Variants in TBC1D22A observed in about 807,000 individuals in gnomAD.
The protein encoded by TBC1D22A is TBC1 domain family member 22A, also known as putative GTPase activator.
Under a neutral mutation model 60.2 loss-of-function variants are expected in TBC1D22A, and 38 were observed. The ratio of observed to expected loss-of-function variants is 0.63; its 90% CI spans 0.49 to 0.83. The LOEUF is 0.83. TBC1D22A is among the 40% of genes least tolerant of loss of function. The pLI, the probability that TBC1D22A is intolerant of heterozygous loss-of-function variation, is 0.00. For missense variants in TBC1D22A, 628 were observed against 701.0 expected (o/e 0.90, Z 1.18); for synonymous variants, 302 against 281.7 (o/e 1.07, Z -0.72).
At chr22:46,959,070 C>T (rs973120526) in intron 8 of TBC1D22A, among the ~76,000 whole-genome samples, 4 of 152,168 alleles carry the variant, frequency 2.6e-5, no homozygotes, top group East Asian at 3.9e-4. Context: ...TGCTCCCGGC[C>T]GTCTCTCCTG....
At chr22:46,861,909 C>T (rs2147356215) in intron 4 of TBC1D22A, among the ~76,000 whole-genome samples, 1 of 152,358 alleles carries the variant, frequency 6.6e-6, no homozygotes, top group South Asian at 2.1e-4. Flanking sequence ...GTAGAAGGCA[C>T]AGAGCACAGT....
intron 5 of TBC1D22A, among the ~76,000 whole-genome samples, chr22:46,885,165 G>A (rs1341359428): frequency 6.6e-6 from 1 of 152,192 alleles, no homozygotes; most frequent in Non-Finnish European, 1.5e-5. Context: ...AGCAGCGGGT[G>A]GGAGAGTGGC....
At chr22:47,017,540 C>A (rs181297803) in intron 10 of TBC1D22A, among the ~76,000 whole-genome samples, 33 of 152,316 alleles carry the variant, frequency 2.2e-4, no homozygotes, top group Admixed American at 9.8e-4. Context: ...CTGAGACACA[C>A]ATGCGCTCTG....
chr22:46,916,074 T>C lies in TBC1D22A; in HGVS notation c.1015+3886T>C, dbSNP rs2070350183. The C allele has an allele frequency of 4.3e-5, 17 of 392,050 alleles. 1 individual carries two copies. The highest frequency in any genetic ancestry group is 3.4e-4 in the South Asian group (17 of 50,052). The allele number at this position is 392,050 out of a possible 1,614,324, so 24.3% of individuals were successfully genotyped here. ...GAGGACATATGCATGTAGTGAATTG[T>C]ATTGCAACCCCTCTGACACTTTGTT... On this transcript the variant is annotated intron_variant, in intron 8 of 12. Coordinates refer to ENST00000337137, the MANE Select transcript of TBC1D22A (RefSeq NM_014346.5).
chr22:46,805,011 C>G (rs2085067636), intron 4 of TBC1D22A, among the ~76,000 whole-genome samples: 1 of 152,150 alleles, frequency 6.6e-6, no homozygotes. Context: ...GCGAGTATGG[C>G]AGGATCCCCA....
At chr22:46,773,485 G>T (rs923209946) in intron 1 of TBC1D22A, among the ~76,000 whole-genome samples, 3 of 151,990 alleles carry the variant, frequency 2.0e-5, no homozygotes, top group African/African-American at 7.2e-5. Flanking sequence ...TTTTTTTGGA[G>T]ATGGAGTCTT....
chr22:47,134,162 C>T (rs1385904913), intron 12 of TBC1D22A, among the ~76,000 whole-genome samples: 1 of 152,210 alleles, frequency 6.6e-6, no homozygotes, highest in African/African-American at 2.4e-5. Context: ...AAGTTACACC[C>T]CCATTCAAAT....
intron 12 of TBC1D22A, among the ~76,000 whole-genome samples, chr22:47,143,883 C>A (rs1052252744): frequency 6.6e-6 from 1 of 152,242 alleles, no homozygotes; most frequent in African/African-American, 2.4e-5. Context: ...GAGATAGAAA[C>A]ACCGGAAACA....
intron 4 of TBC1D22A, among the ~76,000 whole-genome samples, chr22:46,870,145 A>G (rs2067236556): frequency 6.6e-6 from 1 of 152,192 alleles, no homozygotes; most frequent in Admixed American, 6.5e-5. Flanking sequence ...CAAGGCAAGT[A>G]TTTTTATTTG....
intron 1 of TBC1D22A, among the ~76,000 whole-genome samples, chr22:46,785,860 G>C (rs978244405): frequency 6.6e-6 from 1 of 152,202 alleles, no homozygotes; most frequent in Non-Finnish European, 1.5e-5. Flanking sequence ...CTGCAGCCTT[G>C]ATCTCAACCT....
intron 8 of TBC1D22A, among the ~76,000 whole-genome samples, chr22:46,919,112 A>T (rs191199365): frequency 6.6e-6 from 1 of 152,308 alleles, no homozygotes; most frequent in African/African-American, 2.4e-5. Flanking sequence ...TATTTTCATC[A>T]TCCCCAAAAG....
chr22:46,989,684 C>T (rs927061868), intron 9 of TBC1D22A, among the ~76,000 whole-genome samples: 2 of 151,814 alleles, frequency 1.3e-5, no homozygotes, highest in Non-Finnish European at 2.9e-5. Flanking sequence ...TCAAAGATCA[C>T]TCATCACAGA....
chr22:47,114,720 C>T (rs1186363488), intron 12 of TBC1D22A, among the ~76,000 whole-genome samples: 1 of 152,070 alleles, frequency 6.6e-6, no homozygotes, highest in Non-Finnish European at 1.5e-5. Context: ...TGTGATTTGT[C>T]CCTTGGGAAA....
At chr22:47,040,166 C>T (rs960159475) in intron 11 of TBC1D22A, among the ~76,000 whole-genome samples, 22 of 151,872 alleles carry the variant, frequency 1.4e-4, no homozygotes, top group Admixed American at 5.9e-4. Flanking sequence ...AGGATGGTCT[C>T]GATCTCCTGA....
At chr22:46,985,247 G>A in intron 9 of TBC1D22A, among the ~76,000 whole-genome samples, 1 of 152,198 alleles carries the variant, frequency 6.6e-6, no homozygotes, top group Non-Finnish European at 1.5e-5. Context: ...GGGCAGTGGA[G>A]CGCTTGGTGG....
intron 4 of TBC1D22A, among the ~76,000 whole-genome samples, chr22:46,876,826 C>T (rs1480887503): frequency 1.3e-5 from 2 of 152,232 alleles, no homozygotes; most frequent in Admixed American, 1.3e-4. Context: ...TGCAGGGAAG[C>T]ATGGTTACTT....
chr22:46,778,306 A>G (rs1035082724), intron 1 of TBC1D22A, among the ~76,000 whole-genome samples: 2 of 152,044 alleles, frequency 1.3e-5, no homozygotes, highest in African/African-American at 4.8e-5. Flanking sequence ...TGTGACTTTT[A>G]AACTTCATAA....
rs80337910 is a variant in TBC1D22A, at chr22:47,016,973, C to T, written c.1201+19264C>T. 4.6e-5 allele frequency among the ~76,000 whole-genome samples: 7 copies of T among 152,226 alleles called. No homozygotes were observed. The East Asian group carries it at 5.8e-4, about 13-fold the overall frequency. On this transcript the variant is annotated intron_variant, in intron 10 of 12. Transcript: ENST00000337137. Reference sequence around the variant, plus strand: ...AGTGTCCGCTGATGGTTTTGTCTGACGCGCTCAGGCCTGCGATGGTCGCCG... The same window carrying T: ...AGTGTCCGCTGATGGTTTTGTCTGATGCGCTCAGGCCTGCGATGGTCGCCG...
chr22:46,937,106 G>A (rs62232701), intron 8 of TBC1D22A, among the ~76,000 whole-genome samples: 9,919 of 152,246 alleles, frequency 0.065, 462 homozygotes, highest in Non-Finnish European at 0.1. Context: ...TTGAAGAAAG[G>A]CATAATCTCG....
Sources: gnomAD v4.1 joint callset for allele counts (sites outside exome capture counted in the v4.1 genomes callset) on GRCh38, gnomAD v4.1.1 for gene constraint, MANE v1.5 for transcripts, NCBI Gene and HGNC (gene_info 2026-07-23, HGNC 2026-07-21) for gene names.